Variants in PHF14 observed in about 807,000 individuals in gnomAD.
PHF14 encodes PHD finger protein 14.
Under a neutral mutation model 117.9 loss-of-function variants are expected in PHF14, and 55 were observed. The ratio of observed to expected loss-of-function variants is 0.47; its 90% confidence interval spans 0.38 to 0.58. The LOEUF is 0.58. PHF14 is among the 20% of genes least tolerant of loss of function. PHF14 has a pLI of 0.00. For missense variants in PHF14, 978 were observed against 1,122.2 expected (o/e 0.87, Z 1.84); for synonymous variants, 409 against 368.6 (o/e 1.11, Z -1.26).
intron 17 of PHF14, among the ~76,000 whole-genome samples, chr7:11,133,041 A>G: frequency 6.6e-6 from 1 of 151,940 alleles, no homozygotes; most frequent in Non-Finnish European, 1.5e-5. Flanking sequence ...ACAAAATTCT[A>G]ATAAAAGAAA....
chr7:10,977,080 C>T (rs1391410230), intron 2 of PHF14, among the ~76,000 whole-genome samples: 4 of 151,630 alleles, frequency 2.6e-5, no homozygotes, highest in Non-Finnish European at 5.9e-5. Context: ...TCTAGATTAC[C>T]ATTGTTTTCC....
chr7:11,053,564 C>T (rs543803045), intron 14 of PHF14, among the ~76,000 whole-genome samples: 2 of 152,010 alleles, frequency 1.3e-5, no homozygotes, highest in African/African-American at 2.4e-5. Context: ...GTTATTACTT[C>T]GTATGTCTGT....
intron 17 of PHF14, among the ~76,000 whole-genome samples, chr7:11,114,375 C>A (rs1397906119): frequency 6.6e-6 from 1 of 151,990 alleles, no homozygotes; most frequent in Non-Finnish European, 1.5e-5. Context: ...CTTTGTCTTT[C>A]AAGTAACAAG....
intron 4 of PHF14, among the ~76,000 whole-genome samples, chr7:11,000,457 A>G (rs1249688341): frequency 6.8e-6 from 1 of 147,348 alleles, no homozygotes; most frequent in South Asian, 2.1e-4. Flanking sequence ...CTCGTGCCTC[A>G]GCTTCCTGTG....
chr7:11,037,703 G>A (rs1280915989), intron 10 of PHF14, among the ~76,000 whole-genome samples: 1 of 152,078 alleles, frequency 6.6e-6, no homozygotes, highest in Non-Finnish European at 1.5e-5. Context: ...GTTATACCAA[G>A]TATAACTTGA....
At chr7:11,005,495 G>C (rs182594) in intron 4 of PHF14, among the ~76,000 whole-genome samples, 97,554 of 152,120 alleles carry the variant, frequency 0.64, 31,960 homozygotes, top group African/African-American at 0.72. Flanking sequence ...TTCTCTCACT[G>C]TTTCTCTGTT....
At chr7:11,117,619 T>TTATA (rs1356931103) in intron 17 of PHF14, among the ~76,000 whole-genome samples, 20 of 150,804 alleles carry the variant, frequency 1.3e-4, no homozygotes, top group South Asian at 2.1e-4. Flanking sequence ...AAATATGTAT[T>TTATA]TGTATGTATA....
intron 8 of PHF14, 70 bp downstream of exon 8, chr7:11,035,856 GC>G: frequency 8.3e-7 from 1 of 1,202,096 alleles, no homozygotes; most frequent in Non-Finnish European, 1.2e-6. Context: ...GTCTCGTGTG[GC>G]TTCCAGTGAC....
intron 17 of PHF14, among the ~76,000 whole-genome samples, chr7:11,115,455 C>A (rs963641453): frequency 3.4e-4 from 51 of 151,974 alleles, no homozygotes; most frequent in African/African-American, 1.1e-3. Context: ...GTACATAAAA[C>A]GTCACACATA....
intron 6 of PHF14, among the ~76,000 whole-genome samples, chr7:11,025,380 C>T (rs1330024816): frequency 6.6e-6 from 1 of 152,212 alleles, no homozygotes; most frequent in African/African-American, 2.4e-5. Flanking sequence ...AGAGGATTGA[C>T]TCCAATTTTG....
intron 16 of PHF14, among the ~76,000 whole-genome samples, chr7:11,065,838 T>C (rs1243929017): frequency 2.0e-5 from 3 of 152,098 alleles, no homozygotes; most frequent in African/African-American, 4.8e-5. Flanking sequence ...TAATCAGAGA[T>C]AGGAGAGAGA....
rs368971708 is a variant in PHF14, at chr7:11,005,682, TA to T, written c.1046-8064del. ...TAGAATGGCTCAACCATAATGTACTTATTTTTTTGTTTCAAGTTTTTCACTT... is the reference window on the plus strand; with the variant it reads ...TAGAATGGCTCAACCATAATGTACTTTTTTTTTGTTTCAAGTTTTTCACTT... On this transcript the variant is annotated intron_variant, in intron 4 of 17. Coordinates refer to ENST00000634607, the MANE Select transcript of PHF14 (RefSeq NM_001007157.2). 4.8e-3 allele frequency among the ~76,000 whole-genome samples: 727 copies of T among 152,308 alleles called. 8 individuals are homozygous for T. The highest frequency in any genetic ancestry group is 6.8e-3 in the Middle Eastern group (2 of 294).
At chr7:11,041,747 G>C (rs1289470318) in intron 12 of PHF14, among the ~76,000 whole-genome samples, 1 of 151,768 alleles carries the variant, frequency 6.6e-6, no homozygotes, top group African/African-American at 2.4e-5. Context: ...ATATCACTAT[G>C]CTTCTGACTT....
intron 16 of PHF14, among the ~76,000 whole-genome samples, chr7:11,069,095 G>A (rs1184530254): frequency 6.6e-6 from 1 of 152,064 alleles, no homozygotes; most frequent in East Asian, 1.9e-4. Flanking sequence ...TTCTTATTCT[G>A]GTAGCATCAG....
rs866088125 is a variant in PHF14, at chr7:11,040,718, C to A, written c.2123C>A (p.Pro708Gln). 1 of 1,569,380 alleles carries A rather than the reference C, an allele frequency of 6.4e-7. No individual in the cohort carries two copies. The stretch of plus-strand genomic sequence containing the variant: ...TTGCGAGCACCCAAGGAGAGAAAAC[C>A]AAGTAAAAAAGAAGGAGGCACACAA... Reference protein sequence around the residue: ...AILRAPKERKPSKKEGGTQKT... With the variant: ...AILRAPKERKQSKKEGGTQKT... Residue 708 changes from proline (P) to glutamine (Q), a missense_variant, in exon 12 of 18, where the codon CCA (proline) becomes CAA (glutamine). Transcript: ENST00000634607.
intron 17 of PHF14, among the ~76,000 whole-genome samples, chr7:11,165,027 C>T (rs1415489037): frequency 1.3e-5 from 2 of 152,132 alleles, no homozygotes; most frequent in East Asian, 3.9e-4. Flanking sequence ...TGGGTTCAAG[C>T]GATTCTCCTG....
chr7:10,975,165 C>G (rs1425380463), intron 2 of PHF14, among the ~76,000 whole-genome samples: 3 of 152,166 alleles, frequency 2.0e-5, no homozygotes, highest in East Asian at 3.9e-4. Flanking sequence ...AGGGGAAGGA[C>G]TTTTTCCAAA....
chr7:11,164,142 C>T (rs549966798), intron 17 of PHF14, among the ~76,000 whole-genome samples: 47 of 152,198 alleles, frequency 3.1e-4, no homozygotes, highest in African/African-American at 8.4e-4. Flanking sequence ...CTGTCTGCAC[C>T]GTCTCCCTTC....
chr7:10,996,476 A>T (rs1367103611), intron 4 of PHF14, among the ~76,000 whole-genome samples: 1 of 150,744 alleles, frequency 6.6e-6, no homozygotes, highest in African/African-American at 2.5e-5. Context: ...CCCAGAGAAA[A>T]CTGTTTCAAA....
Sources: gnomAD v4.1 joint callset for allele counts (sites outside exome capture counted in the v4.1 genomes callset) on GRCh38, gnomAD v4.1.1 for gene constraint, MANE v1.5 for transcripts, NCBI Gene and HGNC (gene_info 2026-07-23, HGNC 2026-07-21) for gene names.